Variants in HS3ST5 observed in about 807,000 individuals in gnomAD.
HS3ST5 encodes the protein heparan sulfate glucosamine 3-O-sulfotransferase 5.
Under a neutral mutation model 25.4 loss-of-function variants are expected in HS3ST5, and 10 were observed. The observed-to-expected ratio is 0.39, with a 90% CI of 0.24 to 0.67. HS3ST5 has a LOEUF of 0.67. Ranked by LOEUF, HS3ST5 falls within the 30% of genes least tolerant of loss-of-function variation. The pLI is 0.44. For synonymous variants in HS3ST5, 170 were observed against 162.4 expected, an observed-to-expected ratio of 1.05 and a Z score of -0.36; for missense variants, 324 against 420.7, an observed-to-expected ratio of 0.77 and a Z score of 2.01.
chr6:114,242,829 C>T (rs1383100545), intron 1 of HS3ST5, among the ~76,000 whole-genome samples: 4 of 144,120 alleles, frequency 2.8e-5, no homozygotes, highest in African/African-American at 5.1e-5. Context: ...GTCCGCAGTC[C>T]GGCCTGGGCG....
Position 114,156,472 on chromosome 6 carries a change from G to GTTACAT in HS3ST5, c.-33+11878_-33+11879insATGTAA, listed in dbSNP as rs545970453. Among the ~76,000 whole-genome samples the GTTACAT allele has an allele frequency of 3.4e-4, 52 of 152,348 alleles. No individual in the cohort carries two copies. In the South Asian group the frequency reaches 8.5e-3, roughly 25 times the overall value. On this transcript the variant is annotated intron_variant, in intron 3 of 4. Transcript: ENST00000312719. ...TAAGTTTAAAAATATGTATTTAACA[G>GTTACAT]ACAACGGATAGTGTAACTCTCTTAA...
intron 2 of HS3ST5, among the ~76,000 whole-genome samples, chr6:114,201,615 C>CTGAA (rs1781018730): frequency 1.3e-5 from 2 of 152,146 alleles, no homozygotes; most frequent in African/African-American, 4.8e-5. Context: ...TCCTCACGTT[C>CTGAA]TTCAAGACTT....
chr6:114,199,180 G>A (rs918906755), intron 2 of HS3ST5, among the ~76,000 whole-genome samples: 2 of 152,220 alleles, frequency 1.3e-5, no homozygotes, highest in African/African-American at 4.8e-5. Context: ...TATAAAACTA[G>A]AGACATTAAA....
intron 2 of HS3ST5, among the ~76,000 whole-genome samples, chr6:114,227,096 C>A (rs1410909088): frequency 6.6e-6 from 1 of 151,678 alleles, no homozygotes. Flanking sequence ...TGTGAAACTT[C>A]ATTATTATAG....
At chr6:114,291,599 G>C (rs964214285) in intron 1 of HS3ST5, among the ~76,000 whole-genome samples, 1 of 152,174 alleles carries the variant, frequency 6.6e-6, no homozygotes, top group African/African-American at 2.4e-5. Context: ...TGAGCTCTTT[G>C]TAATGTCTAG....
chr6:114,109,024 G>A (rs146031840), intron 3 of HS3ST5, among the ~76,000 whole-genome samples: 101 of 152,218 alleles, frequency 6.6e-4, no homozygotes, highest in African/African-American at 2.4e-3. Context: ...TTAGCCAGAT[G>A]TGGTGGCAGG....
chr6:114,132,493 A>T (rs181474605), intron 3 of HS3ST5, among the ~76,000 whole-genome samples: 28 of 152,334 alleles, frequency 1.8e-4, no homozygotes, highest in Non-Finnish European at 1.2e-4. Context: ...TCAGCCAAAT[A>T]CCAGCAGGGC....
chr6:114,276,796 C>T (rs1436696918), intron 1 of HS3ST5, among the ~76,000 whole-genome samples: 1 of 151,966 alleles, frequency 6.6e-6, no homozygotes, highest in Non-Finnish European at 1.5e-5. Context: ...ATTTTTCAAG[C>T]ATATGCATTT....
At chr6:114,099,092 T>G (rs917467994) in intron 3 of HS3ST5, among the ~76,000 whole-genome samples, 1 of 152,138 alleles carries the variant, frequency 6.6e-6, no homozygotes, top group Non-Finnish European at 1.5e-5. Flanking sequence ...CAAAGATCTC[T>G]GAGTCAGCGC....
At chr6:114,202,159 ACC>A (rs1781049205) in intron 2 of HS3ST5, among the ~76,000 whole-genome samples, 1 of 152,130 alleles carries the variant, frequency 6.6e-6, no homozygotes, top group East Asian at 1.9e-4. Context: ...AATGAGTCAC[ACC>A]TGTAATCCTA....
At chr6:114,261,526 G>A (rs72954602) in intron 1 of HS3ST5, among the ~76,000 whole-genome samples, 7,004 of 152,194 alleles carry the variant, frequency 0.046, 180 homozygotes, top group Middle Eastern at 0.075. Flanking sequence ...TCATATGAAC[G>A]AACTGAAGTT....
At chr6:114,123,781 A>G (rs1776908806) in intron 3 of HS3ST5, among the ~76,000 whole-genome samples, 1 of 152,224 alleles carries the variant, frequency 6.6e-6, no homozygotes, top group Non-Finnish European at 1.5e-5. Flanking sequence ...TATAAATGTT[A>G]CTTTGGAAAT....
At chr6:114,278,678 G>A (rs1360032771) in intron 1 of HS3ST5, among the ~76,000 whole-genome samples, 1 of 151,940 alleles carries the variant, frequency 6.6e-6, no homozygotes, top group African/African-American at 2.4e-5. Flanking sequence ...TTGGGTGAGA[G>A]GAAGCACACT....
At chr6:114,231,545 T>G (rs996720505) in intron 1 of HS3ST5, 1 of 152,166 alleles carries the variant, frequency 6.6e-6, no homozygotes, top group African/African-American at 2.4e-5. Flanking sequence ...TGGCATTTAA[T>G]TCTCCCCATA....
At position 114,238,185 on chromosome 6, in the gene HS3ST5, C is replaced by T. The variant is rs940327407; in HGVS notation, c.-338-9407G>A. ...TTATTTATTAGATGACTAAAACTCTCCCATGAGTAAATGTAGACCTATGTC... is the reference window on the plus strand; with the variant it reads ...TTATTTATTAGATGACTAAAACTCTTCCATGAGTAAATGTAGACCTATGTC... On this transcript the variant is annotated intron_variant, in intron 1 of 4. Transcript: ENST00000312719. Among the ~76,000 whole-genome samples the T allele has an allele frequency of 4.6e-5, 7 of 152,194 alleles. No homozygotes were observed. In the East Asian group the frequency reaches 1.2e-3, roughly 25 times the overall value.
At chr6:114,105,377 C>T (rs911365777) in intron 3 of HS3ST5, among the ~76,000 whole-genome samples, 1 of 152,030 alleles carries the variant, frequency 6.6e-6, no homozygotes, top group African/African-American at 2.4e-5. Context: ...GGATTTTTGA[C>T]CTCTTAAGGA....
At chr6:114,280,247 C>T (rs1774046624) in intron 1 of HS3ST5, among the ~76,000 whole-genome samples, 1 of 151,892 alleles carries the variant, frequency 6.6e-6, no homozygotes, top group Non-Finnish European at 1.5e-5. Flanking sequence ...ATTTCACTTG[C>T]TCCTGAGCAC....
intron 1 of HS3ST5, among the ~76,000 whole-genome samples, chr6:114,258,329 C>A (rs139108790): frequency 1.3e-5 from 2 of 152,258 alleles, no homozygotes; most frequent in East Asian, 3.9e-4. Flanking sequence ...TATGTCTCTA[C>A]CAGTTCTCAC....
At chr6:114,294,072 G>C (rs1774703645) in intron 1 of HS3ST5, among the ~76,000 whole-genome samples, 1 of 152,166 alleles carries the variant, frequency 6.6e-6, no homozygotes, top group Non-Finnish European at 1.5e-5. Context: ...AACCAGGAGG[G>C]CACCTAATCT....
Sources: allele counts gnomAD v4.1 joint callset (sites outside exome capture counted in the v4.1 genomes callset), GRCh38; gene constraint gnomAD v4.1.1; transcripts MANE v1.5; gene names NCBI Gene and HGNC (gene_info 2026-07-23, HGNC 2026-07-21).